PIP5K1C: variants seen among roughly 807,000 people sequenced by gnomAD.
PIP5K1C encodes the protein phosphatidylinositol 4-phosphate 5-kinase type-1 gamma.
A neutral mutation model predicts 80.1 loss-of-function variants in PIP5K1C; 45 were observed. That is an observed-to-expected ratio of 0.56 (90% CI 0.44 to 0.72). The LOEUF (loss-of-function observed/expected upper bound fraction) is 0.72. Among genes scored for constraint, PIP5K1C ranks in the 30% least tolerant of loss-of-function variants. The pLI, the probability that PIP5K1C is intolerant of heterozygous loss-of-function variation, is 0.00. For missense variants in PIP5K1C, 753 were observed against 954.6 expected, an observed-to-expected ratio of 0.79 and a Z score of 2.78; for synonymous variants, 498 against 420.1, an observed-to-expected ratio of 1.19 and a Z score of -2.27.
At position 3,646,054 on chromosome 19, in the gene PIP5K1C, G is replaced by A. The variant is rs1352036851; in HGVS notation, c.1265C>T (p.Thr422Met). The A allele has an allele frequency of 1.2e-6, 2 of 1,610,306 alleles. No homozygotes were observed. The highest frequency in any genetic ancestry group is 1.7e-5 in the Admixed American group (1 of 59,974). Residue 422 changes from threonine to methionine, a missense_variant, in exon 11 of 18, where the codon ACG (threonine) becomes ATG (methionine). Transcript: ENST00000335312. Reference sequence around the variant, plus strand: ...GAAGCTGGGGCGGTGGACGGACACCGTGTCCTGGAAGAGAGTTGGGGGGGG... The same window carrying A: ...GAAGCTGGGGCGGTGGACGGACACCATGTCCTGGAAGAGAGTTGGGGGGGG... ...TWKALVHDGDTVSVHRPSFYA... is the reference protein window; with the variant it reads ...TWKALVHDGDMVSVHRPSFYA...
In PIP5K1C at chr19:3,656,261, G is replaced by C. The variant is rs984438325; in HGVS notation, c.621+144C>G. 3.5e-6 allele frequency: 3 copies of C among 848,084 alleles called. No homozygotes were observed. In the African/African-American group the frequency reaches 5.0e-5, roughly 14 times the overall value. The allele number at this position is 848,084 out of a possible 1,614,324, so 52.5% of individuals were successfully genotyped here. A position where few individuals can be genotyped will look rare whatever the true frequency, so the allele number is the denominator to read the frequency against. On this transcript the variant is annotated intron_variant, in intron 6 of 17. Transcript: ENST00000335312. ...TGGTGAAGCCTGACGGGGGACCCCC[G>C]AGGGTGAGTCCCCGGGACCCAAGAT...
At chr19:3,681,531 C>T (rs1289165222) in intron 1 of PIP5K1C, among the ~76,000 whole-genome samples, 3 of 152,106 alleles carry the variant, frequency 2.0e-5, no homozygotes, top group African/African-American at 7.2e-5. Flanking sequence ...CGCGCCTGGC[C>T]CACTTTTGTC....
At position 3,647,234 on chromosome 19, in the gene PIP5K1C, G is replaced by C. The variant is rs529767842; in HGVS notation, c.1260+104C>G. ...AGGGATGGGAGGAGGGATGGGAGGA[G>C]GGTGCAGGCACTCACAGAGGGAGGA... On this transcript the variant is annotated intron_variant, in intron 10 of 17. Coordinates refer to ENST00000335312, the MANE Select transcript of PIP5K1C (RefSeq NM_012398.3). The C allele has an allele frequency of 2.5e-4, 243 of 983,520 alleles. 2 individuals are homozygous for C. In the East Asian group the frequency reaches 6.2e-3, roughly 25 times the overall value. 60.9% of individuals were successfully genotyped at this position (983,520 alleles called of 1,614,324 possible). A position where few individuals can be genotyped will look rare whatever the true frequency, so the allele number is the denominator to read the frequency against.
intron 16 of PIP5K1C, among the ~76,000 whole-genome samples, chr19:3,634,195 G>C (rs974555812): frequency 5.9e-5 from 9 of 152,084 alleles, no homozygotes; most frequent in African/African-American, 1.2e-4. Flanking sequence ...GCTCTTCCCA[G>C]CTGTGCCTGC....
intron 1 of PIP5K1C, among the ~76,000 whole-genome samples, chr19:3,694,167 G>A (rs1212133016): frequency 2.7e-5 from 4 of 148,832 alleles, no homozygotes; most frequent in Non-Finnish European, 4.4e-5. Flanking sequence ...AGCCGAGAAC[G>A]CGCCACTGCA....
chr19:3,645,908 C>T, intron 11 of PIP5K1C, 66 bp downstream of exon 11: 4 of 1,276,944 alleles, frequency 3.1e-6, no homozygotes, highest in Non-Finnish European at 4.6e-6. Flanking sequence ...CAGAGTCCCT[C>T]CTGCCCCACG....
chr19:3,644,880 C>A (rs535246623), intron 11 of PIP5K1C, among the ~76,000 whole-genome samples: 1 of 152,334 alleles, frequency 6.6e-6, no homozygotes, highest in African/African-American at 2.4e-5. Flanking sequence ...ACCCACACAG[C>A]TCCTGGTAAA....
rs2036118486 is a variant in PIP5K1C, at chr19:3,696,744, A to AGGGAGGGCAGAGTGCGGAG, written c.94+3552_94+3553insCTCCGCACTCTGCCCTCCC. Reference sequence around the variant, plus strand: ...GAGGGCAGAGTGCGGAGGGGAGGGCAGGGAGGGCAGGGAGGGCCCGGGGCA... The same window carrying AGGGAGGGCAGAGTGCGGAG: ...GAGGGCAGAGTGCGGAGGGGAGGGCAGGGAGGGCAGAGTGCGGAGGGGAGGGCAGGGAGGGCCCGGGGCA... On this transcript the variant is annotated intron_variant, in intron 1 of 17. Transcript: ENST00000335312. The surrounding 1 kb of genome is among the most constrained non-coding windows in gnomAD (Gnocchi z 4.1). Among the ~76,000 whole-genome samples, 2 of 17,970 alleles carry AGGGAGGGCAGAGTGCGGAG rather than the reference A, an allele frequency of 1.1e-4. No homozygotes were observed. The highest frequency in any genetic ancestry group is 2.9e-3 in the South Asian group (2 of 686). 11.8% of individuals were successfully genotyped at this position (17,970 alleles called of 152,430 possible).
chr19:3,694,443 C>T (rs888745232), intron 1 of PIP5K1C, among the ~76,000 whole-genome samples: 4 of 152,162 alleles, frequency 2.6e-5, no homozygotes, highest in African/African-American at 7.2e-5. Flanking sequence ...GTCCTCGCCA[C>T]CCCAGCCACC....
At chr19:3,695,511 C>T (rs956402699) in intron 1 of PIP5K1C, among the ~76,000 whole-genome samples, 2 of 152,352 alleles carry the variant, frequency 1.3e-5, no homozygotes, top group Non-Finnish European at 2.9e-5. Flanking sequence ...GCTGCACATC[C>T]CCGGCTGGCA....
intron 1 of PIP5K1C, among the ~76,000 whole-genome samples, chr19:3,689,446 C>T (rs979365399): frequency 2.0e-5 from 3 of 151,920 alleles, no homozygotes; most frequent in East Asian, 1.9e-4. Flanking sequence ...GTCAGGAGTT[C>T]GAGACCCACC....
At chr19:3,684,631 C>T (rs1417782724) in intron 1 of PIP5K1C, among the ~76,000 whole-genome samples, 1 of 152,240 alleles carries the variant, frequency 6.6e-6, no homozygotes, top group Admixed American at 6.5e-5. Flanking sequence ...CCAGCCAATA[C>T]TGGGAAACTG....
At chr19:3,684,072 C>T (rs1313143564) in intron 1 of PIP5K1C, among the ~76,000 whole-genome samples, 2 of 152,058 alleles carry the variant, frequency 1.3e-5, no homozygotes, top group African/African-American at 2.4e-5. Flanking sequence ...GCAGATGCTT[C>T]GGTGCCTGGA....
In PIP5K1C at chr19:3,686,495, G is replaced by C. The variant is rs563896396; in HGVS notation, c.94+13802C>G. ...GCACTCTGGGAGGCCAAGGCGGGCA[G>C]ATCACCTGAGGTCGGGAGTTTGAGA... On this transcript the variant is annotated intron_variant, in intron 1 of 17. Transcript: ENST00000335312. Among the ~76,000 whole-genome samples, 498 of 151,690 alleles carry C rather than the reference G, an allele frequency of 3.3e-3. 6 individuals carry two copies. The highest frequency in any genetic ancestry group is 0.011 in the African/African-American group (470 of 41,358).
At chr19:3,659,212 C>T (rs113961222) in intron 5 of PIP5K1C, among the ~76,000 whole-genome samples, 4,906 of 152,352 alleles carry the variant, frequency 0.032, 144 homozygotes, top group Middle Eastern at 0.092. Flanking sequence ...AGCCCGTCCT[C>T]CCGCTGTGGC....
intron 1 of PIP5K1C, among the ~76,000 whole-genome samples, chr19:3,694,794 CTCCG>C (rs1568364567): frequency 2.6e-5 from 4 of 152,264 alleles, no homozygotes; most frequent in Non-Finnish European, 4.4e-5. Flanking sequence ...AGTCACCTCC[CTCCG>C]AGTCCTCAGC....
chr19:3,633,350 G>T, intron 17 of PIP5K1C, 87 bp downstream of exon 17: 1 of 1,106,496 alleles, frequency 9.0e-7, no homozygotes, highest in Non-Finnish European at 1.3e-6. Context: ...CCGGGCCTCA[G>T]TCCCTGCCTA....
At chr19:3,636,668 C>A (rs557910140) in intron 16 of PIP5K1C, 1 of 985,488 alleles carries the variant, frequency 1.0e-6, no homozygotes, top group Non-Finnish European at 1.2e-6. Flanking sequence ...CTAGAGCAGC[C>A]GGGGAAGTGG....
chr19:3,679,226 G>A lies in PIP5K1C; in HGVS notation c.95-11873C>T, dbSNP rs144629093. 7.6e-3 allele frequency among the ~76,000 whole-genome samples: 1,161 copies of A among 152,236 alleles called. 5 individuals carry two copies. Among genetic ancestry groups the A allele is most frequent in the Non-Finnish European group, 0.011 (762 of 67,978 alleles). On this transcript the variant is annotated intron_variant, in intron 1 of 17. Coordinates refer to ENST00000335312, the MANE Select transcript of PIP5K1C (RefSeq NM_012398.3). The stretch of plus-strand genomic sequence containing the variant: ...AGGGAACTCTGCTTGAGGAACCTGA[G>A]TGGGGACACGGGTCACAGAGGATGC...
Sources: allele counts gnomAD v4.1 joint callset (sites outside exome capture counted in the v4.1 genomes callset), GRCh38; gene constraint gnomAD v4.1.1; non-coding constraint Gnocchi (gnomAD v3.1); transcripts MANE v1.5; gene names NCBI Gene and HGNC (gene_info 2026-07-23, HGNC 2026-07-21).